Variants in DYSF observed in about 807,000 individuals in gnomAD.
The protein encoded by DYSF is dystrophy-associated fer-1-like 1.
A neutral mutation model predicts 274.9 loss-of-function variants in DYSF; 212 were observed. The observed-to-expected ratio is 0.77, with a 90% CI of 0.69 to 0.86. DYSF has a LOEUF of 0.86. Ranked by LOEUF, DYSF falls within the 40% of genes least tolerant of loss-of-function variation. The pLI is 0.00. For missense variants in DYSF, 2,666 were observed against 2,783.2 expected, an observed-to-expected ratio of 0.96 and a Z score of 0.95; for synonymous variants, 1,091 against 1,078.7, an observed-to-expected ratio of 1.01 and a Z score of -0.22.
chr2:71,477,662 G>C (rs2082499989), intron 1 of DYSF, among the ~76,000 whole-genome samples: 1 of 152,230 alleles, frequency 6.6e-6, no homozygotes, highest in African/African-American at 2.4e-5. Flanking sequence ...CAATGCAACT[G>C]TTACAGAATC....
At chr2:71,618,166 GTGT>G in intron 40 of DYSF, among the ~76,000 whole-genome samples, 32 of 148,688 alleles carry the variant, frequency 2.2e-4, no homozygotes, top group Non-Finnish European at 2.7e-4. Context: ...GTGTGTGTGT[GTGT>G]GGTAGAGGTG....
intron 5 of DYSF, among the ~76,000 whole-genome samples, chr2:71,512,904 A>G (rs865958676): frequency 6.6e-5 from 10 of 152,242 alleles, no homozygotes; most frequent in African/African-American, 2.4e-4. Context: ...GTAACCTGGT[A>G]ATCCTGAGCT....
At chr2:71,663,419 G>T (rs144634837) in intron 45 of DYSF, among the ~76,000 whole-genome samples, 50 of 152,332 alleles carry the variant, frequency 3.3e-4, no homozygotes, top group African/African-American at 1.1e-3. Flanking sequence ...CACAGGGCAG[G>T]ATTCAGAGCA....
chr2:71,612,410 T>C (rs2093784558), intron 38 of DYSF, among the ~76,000 whole-genome samples: 6 of 152,034 alleles, frequency 3.9e-5, no homozygotes, highest in Admixed American at 3.9e-4. Flanking sequence ...ACAGGATGCA[T>C]TTGGAAGGTA....
intron 41 of DYSF, among the ~76,000 whole-genome samples, chr2:71,638,837 G>C (rs1397531957): frequency 6.6e-6 from 1 of 152,094 alleles, no homozygotes; most frequent in African/African-American, 2.4e-5. Context: ...ATTTCTCTTG[G>C]ATATATACCT....
chr2:71,567,920 C>G, intron 24 of DYSF, 31 bp from the exon 25 acceptor site: 1 of 1,613,052 alleles, frequency 6.2e-7, no homozygotes, highest in Non-Finnish European at 8.5e-7. Context: ...CTGAAGGGGA[C>G]TGTGGGTTTC....
chr2:71,675,361 C>T (rs537779633), intron 52 of DYSF, among the ~76,000 whole-genome samples: 1 of 152,264 alleles, frequency 6.6e-6, no homozygotes, highest in East Asian at 1.9e-4. Context: ...AAACGGCAAC[C>T]CAGGAAGTCA....
rs902690678 is a variant in DYSF at position 71,665,240 on chromosome 2, G to C, written c.5253G>C (p.Lys1751Asn). 1 of 1,614,174 alleles carries C rather than the reference G, an allele frequency of 6.2e-7. No homozygotes were observed. Among genetic ancestry groups the C allele is most frequent in the African/African-American group, 1.3e-5 (1 of 75,042 alleles). Residue 1751 changes from lysine to asparagine, a missense_variant, in exon 47 of 56, where the codon AAG (lysine) becomes AAC (asparagine). Around this residue, in one of 3 missense-constraint regions of DYSF, gnomAD observed 1,460 missense variants for 1,502.1 expected, o/e 0.97. Coordinates refer to ENST00000410020, the MANE Select transcript of DYSF (RefSeq NM_001130987.2). Reference sequence around the variant, plus strand: ...TCTTCTGCCAGCAGCATAGAGTCAAGGCACCTGTGTACCGGACAGACCGTG... The same window carrying C: ...TCTTCTGCCAGCAGCATAGAGTCAACGCACCTGTGTACCGGACAGACCGTG... The part of the protein sequence containing the change: ...LHLFCQQHRV[K>N]APVYRTDRVM...
Position 71,667,378 on chromosome 2 carries a change from G to A in DYSF, c.5320G>A (p.Ala1774Thr). The A allele has an allele frequency of 6.2e-7, 1 of 1,614,114 alleles. No homozygotes were observed. Among genetic ancestry groups the A allele is most frequent in the African/African-American group, 1.3e-5 (1 of 75,034 alleles). Reference sequence around the variant, plus strand: ...TTTTTGTCTTCTCTCTGGGGCAGAGGCTGGCAGGATCCCAAACCCACACCT... The same window carrying A: ...TTTTTGTCTTCTCTCTGGGGCAGAGACTGGCAGGATCCCAAACCCACACCT... The part of the protein sequence containing the change: ...DKEYSIEEIE[A>T]GRIPNPHLGP... Residue 1774 changes from alanine to threonine, a missense_variant and splice_region_variant, in exon 48 of 56, where the codon GCT becomes ACT. Physicochemically the swap from Ala to Thr is moderately conservative, Grantham distance 58. Around this residue, in one of 3 missense-constraint regions of DYSF, gnomAD observed 1,460 missense variants for 1,502.1 expected, o/e 0.97. Coordinates refer to ENST00000410020, the MANE Select transcript of DYSF (RefSeq NM_001130987.2).
intron 41 of DYSF, among the ~76,000 whole-genome samples, 173 bp from the exon 42 acceptor site, chr2:71,643,792 C>A (rs187326023): frequency 6.6e-5 from 10 of 152,352 alleles, no homozygotes; most frequent in Admixed American, 6.5e-4. Flanking sequence ...CCTCAGTCTG[C>A]AGTCTTTGCC....
chr2:71,620,577 A>T lies in DYSF; in HGVS notation c.4495A>T (p.Thr1499Ser). Residue 1499 changes from threonine to serine, a missense_variant, in exon 41 of 56, where the codon ACT (threonine) becomes TCT (serine). Thr to Ser is a moderately conservative substitution (Grantham distance 58). This residue lies in a region of DYSF where 1,460 missense variants were observed against 1,502.1 expected (regional missense o/e 0.97). Coordinates refer to ENST00000410020, the MANE Select transcript of DYSF (RefSeq NM_001130987.2). ...AGACGGTCTGTCGAGCTTGGCCCCC[A>T]CTAACACGGCTTCTCCTCCATCCAG... The part of the protein sequence containing the change: ...LADGLSSLAP[T>S]NTASPPSSPH... The T allele has an allele frequency of 6.4e-7, 1 of 1,551,116 alleles. No individual in the cohort carries two copies. The highest frequency in any genetic ancestry group is 8.7e-7 in the Non-Finnish European group (1 of 1,146,916).
chr2:71,525,143 ACTCT>A (rs2087718590), intron 12 of DYSF, among the ~76,000 whole-genome samples: 1 of 151,626 alleles, frequency 6.6e-6, no homozygotes, highest in Admixed American at 6.6e-5. Flanking sequence ...CTGCATGGGT[ACTCT>A]CTCCCAGAAA....
chr2:71,650,012 A>G (rs1162305513), intron 42 of DYSF, among the ~76,000 whole-genome samples: 1 of 152,246 alleles, frequency 6.6e-6, no homozygotes, highest in African/African-American at 2.4e-5. Flanking sequence ...TTATAATGCT[A>G]AATGGTACAA....
At chr2:71,502,648 C>T (rs926278528) in intron 3 of DYSF, among the ~76,000 whole-genome samples, 7 of 152,156 alleles carry the variant, frequency 4.6e-5, no homozygotes, top group African/African-American at 1.4e-4. Context: ...GCCTCTGGTG[C>T]GTGTGGTATG....
chr2:71,453,639 C>A, exon 1 of DYSF: 1 of 352,422 alleles, frequency 2.8e-6, no homozygotes, highest in Middle Eastern at 9.8e-4. Flanking sequence ...GCCGCCCAGC[C>A]AGGTGCAAAA....
rs1371382360 is a variant in DYSF at position 71,682,527 on chromosome 2, C to T, written c.6174-3C>T. ...CAGTTGACCTCCGGGATCTCGCTTC[C>T]AGGCGCCCCGACACCTCCTTCCTGT... On this transcript the variant is annotated splice_region_variant and splice_polypyrimidine_tract_variant and intron_variant, in intron 54 of 55. Transcript: ENST00000410020. The T allele has an allele frequency of 6.2e-7, 1 of 1,614,008 alleles. No individual in the cohort carries two copies. Among genetic ancestry groups the T allele is most frequent in the African/African-American group, 1.3e-5 (1 of 74,908 alleles).
intron 3 of DYSF, among the ~76,000 whole-genome samples, chr2:71,497,989 G>A (rs1333862265): frequency 2.6e-5 from 4 of 152,038 alleles, no homozygotes; most frequent in Admixed American, 2.6e-4. Context: ...ATTATCCTTC[G>A]CTTGTCTCCT....
At chr2:71,523,905 G>C (rs1430437167) in intron 12 of DYSF, among the ~76,000 whole-genome samples, 1 of 152,116 alleles carries the variant, frequency 6.6e-6, no homozygotes, top group Non-Finnish European at 1.5e-5. Flanking sequence ...AAAACCTCCA[G>C]TGACTTCCCA....
chr2:71,586,030 G>A (rs1325424116), intron 30 of DYSF, among the ~76,000 whole-genome samples: 2 of 152,088 alleles, frequency 1.3e-5, no homozygotes, highest in African/African-American at 4.8e-5. Context: ...TAGGGGTTTG[G>A]GGGTCTGTGG....
Sources: gnomAD v4.1 joint callset for allele counts (sites outside exome capture counted in the v4.1 genomes callset) on GRCh38, gnomAD v4.1.1 for gene constraint, gnomAD v4.1.1 regional missense constraint, MANE v1.5 for transcripts, NCBI Gene and HGNC (gene_info 2026-07-23, HGNC 2026-07-21) for gene names.